ROBO2: variants seen among roughly 807,000 people sequenced by gnomAD.
The protein encoded by ROBO2 is roundabout guidance receptor 2.
A neutral mutation model predicts 160.8 loss-of-function variants in ROBO2; 53 were observed. The observed-to-expected ratio is 0.33, with a 90% CI of 0.26 to 0.41. ROBO2 has a LOEUF of 0.41. Among genes scored for constraint, ROBO2 ranks in the 10% least tolerant of loss-of-function variants. The pLI, the probability that ROBO2 is intolerant of heterozygous loss-of-function variation, is 1.00. For missense variants in ROBO2, 1,577 were observed against 1,722.4 expected (o/e 0.92, Z 1.49); for synonymous variants, 664 against 611.7 (o/e 1.09, Z -1.26).
chr3:76,322,585 A>C (rs2072656512), intron 2 of ROBO2, among the ~76,000 whole-genome samples: 1 of 152,164 alleles, frequency 6.6e-6, no homozygotes, highest in African/African-American at 2.4e-5. Flanking sequence ...TAGTTAAATA[A>C]TTTGAAAGTG....
chr3:76,959,721 T>C (rs992286403), intron 2 of ROBO2, among the ~76,000 whole-genome samples: 2 of 152,136 alleles, frequency 1.3e-5, no homozygotes, highest in Non-Finnish European at 2.9e-5. Context: ...AAGTAGTAAT[T>C]TGGAAATCAT....
intron 20 of ROBO2, among the ~76,000 whole-genome samples, chr3:77,607,089 C>T (rs2094540219): frequency 6.6e-6 from 1 of 152,146 alleles, no homozygotes; most frequent in Non-Finnish European, 1.5e-5. Flanking sequence ...ACTTTCTTCT[C>T]ATATTTTGTG....
chr3:76,704,983 T>C (rs1033380988), intron 2 of ROBO2, among the ~76,000 whole-genome samples: 6 of 152,174 alleles, frequency 3.9e-5, no homozygotes, highest in African/African-American at 1.4e-4. Context: ...GGACTTTTTC[T>C]GGGTAAAGTT....
At chr3:76,758,668 A>G (rs1040986515) in intron 2 of ROBO2, among the ~76,000 whole-genome samples, 1 of 151,818 alleles carries the variant, frequency 6.6e-6, no homozygotes, top group African/African-American at 2.4e-5. Context: ...GGGAAAATGA[A>G]ACTTCTATGA....
At chr3:77,366,525 A>C (rs1435792079) in intron 2 of ROBO2, among the ~76,000 whole-genome samples, 1 of 152,140 alleles carries the variant, frequency 6.6e-6, no homozygotes, top group African/African-American at 2.4e-5. Flanking sequence ...AGCCTCTCAA[A>C]TTGTGAAAAA....
At chr3:76,431,182 A>G (rs1017255510) in intron 2 of ROBO2, among the ~76,000 whole-genome samples, 1 of 152,166 alleles carries the variant, frequency 6.6e-6, no homozygotes, top group Non-Finnish European at 1.5e-5. Flanking sequence ...CTGTGTAAAT[A>G]TAACCGCATC....
chr3:75,961,904 C>T (rs1948926703), intron 2 of ROBO2, among the ~76,000 whole-genome samples: 1 of 149,920 alleles, frequency 6.7e-6, no homozygotes, highest in Admixed American at 6.7e-5. Flanking sequence ...CTTTCATTGT[C>T]ACAAAAACAT....
Position 76,232,328 on chromosome 3 carries a change from A to G in ROBO2, c.109+294726A>G, listed in dbSNP as rs185460099. 1.7e-4 allele frequency among the ~76,000 whole-genome samples: 26 copies of G among 152,354 alleles called. No homozygotes were observed. In the East Asian group the frequency reaches 4.8e-3, roughly 28 times the overall value. ...AGATAATTTGGATGTATCTTGGCCT[A>G]TTGGTTCAGAGTCTAGAAATTTAAC... On this transcript the variant is annotated intron_variant, in intron 2 of 26. Coordinates refer to the ROBO2 transcript ENST00000487694.
At chr3:77,089,937 T>C (rs907281819) in intron 1 of ROBO2, among the ~76,000 whole-genome samples, 1 of 152,190 alleles carries the variant, frequency 6.6e-6, no homozygotes, top group Non-Finnish European at 1.5e-5. Context: ...GCAAATTACC[T>C]TAGCTCACTA....
At chr3:76,711,812 G>C (rs534375845) in intron 2 of ROBO2, among the ~76,000 whole-genome samples, 1 of 152,260 alleles carries the variant, frequency 6.6e-6, no homozygotes, top group Non-Finnish European at 1.5e-5. Flanking sequence ...AACTCCTATT[G>C]ATTTTAACAG....
At chr3:76,580,355 T>TG (rs2085618594) in intron 2 of ROBO2, among the ~76,000 whole-genome samples, 2 of 122,170 alleles carry the variant, frequency 1.6e-5, no homozygotes, top group African/African-American at 6.1e-5. Context: ...TTTTTTTTTG[T>TG]TTTTTTTTTT....
chr3:76,627,569 A>T (rs1008540413), intron 2 of ROBO2, among the ~76,000 whole-genome samples: 6 of 152,248 alleles, frequency 3.9e-5, no homozygotes, highest in Non-Finnish European at 8.8e-5. Flanking sequence ...AATCCCTTAA[A>T]CTGTTAATAC....
chr3:77,238,696 T>C (rs893114458), intron 2 of ROBO2, among the ~76,000 whole-genome samples: 11 of 152,196 alleles, frequency 7.2e-5, no homozygotes, highest in African/African-American at 2.7e-4. Context: ...CCTAATACTA[T>C]GGTAATATTT....
intron 2 of ROBO2, among the ~76,000 whole-genome samples, chr3:77,407,012 T>C (rs76144327): frequency 0.013 from 2,024 of 152,268 alleles, 46 homozygotes; most frequent in African/African-American, 0.044. Flanking sequence ...TATATATAGA[T>C]ATAGGGTCTT....
At chr3:77,286,154 C>T (rs1272576734) in intron 2 of ROBO2, among the ~76,000 whole-genome samples, 3 of 151,870 alleles carry the variant, frequency 2.0e-5, no homozygotes, top group Non-Finnish European at 4.4e-5. Context: ...TACTCTATTT[C>T]CATAAGTGAA....
chr3:77,573,895 A>G (rs1477622649), intron 13 of ROBO2, among the ~76,000 whole-genome samples: 2 of 151,618 alleles, frequency 1.3e-5, no homozygotes, highest in Non-Finnish European at 2.9e-5. Flanking sequence ...TCATTATTAG[A>G]CCACTCCTAC....
intron 2 of ROBO2, among the ~76,000 whole-genome samples, chr3:76,277,142 A>C (rs1707972856): frequency 6.6e-6 from 1 of 152,096 alleles, no homozygotes; most frequent in Non-Finnish European, 1.5e-5. Flanking sequence ...GTGGATGTAT[A>C]GCCTACCAAT....
At chr3:77,148,106 T>A (rs2150499266) in intron 2 of ROBO2, among the ~76,000 whole-genome samples, 1 of 152,352 alleles carries the variant, frequency 6.6e-6, no homozygotes, top group African/African-American at 2.4e-5. Flanking sequence ...TAAGAATGGA[T>A]AATAATAGCT....
At chr3:76,132,885 A>C (rs2071281506) in intron 2 of ROBO2, among the ~76,000 whole-genome samples, 1 of 152,146 alleles carries the variant, frequency 6.6e-6, no homozygotes, top group African/African-American at 2.4e-5. Context: ...AGCCATGGGA[A>C]GAAAGCGCAA....
Sources: allele counts gnomAD v4.1 joint callset (sites outside exome capture counted in the v4.1 genomes callset), GRCh38; gene constraint gnomAD v4.1.1; transcripts MANE v1.5; gene names NCBI Gene and HGNC (gene_info 2026-07-23, HGNC 2026-07-21).